FBXL7: variants seen among roughly 807,000 people sequenced by gnomAD.
FBXL7 encodes F-box/LRR-repeat protein 7.
Under a neutral mutation model 38.3 loss-of-function variants are expected in FBXL7, and 12 were observed. The observed-to-expected ratio is 0.31, with a 90% confidence interval of 0.20 to 0.51. The LOEUF (loss-of-function observed/expected upper bound fraction) is 0.51, where lower values mean the gene tolerates loss of function less well. Among genes scored for constraint, FBXL7 ranks in the 20% least tolerant of loss-of-function variants. The pLI is 0.98. For synonymous variants in FBXL7, 297 were observed against 300.9 expected (o/e 0.99, Z 0.13); for missense variants, 567 against 676.4 (o/e 0.84, Z 1.79).
At chr5:15,827,772 A>G (rs1738355124) in intron 2 of FBXL7, among the ~76,000 whole-genome samples, 1 of 152,212 alleles carries the variant, frequency 6.6e-6, no homozygotes, top group Non-Finnish European at 1.5e-5. Flanking sequence ...GCAAACATTC[A>G]AACCATGGCT....
intron 2 of FBXL7, among the ~76,000 whole-genome samples, chr5:15,823,399 TTA>T (rs1436692399): frequency 6.6e-6 from 1 of 152,200 alleles, no homozygotes; most frequent in Non-Finnish European, 1.5e-5. Flanking sequence ...AATAATGGGT[TTA>T]TGTTTCAAAG....
intron 2 of FBXL7, among the ~76,000 whole-genome samples, chr5:15,759,935 A>G (rs1736395423): frequency 6.6e-6 from 1 of 152,352 alleles, no homozygotes; most frequent in Non-Finnish European, 1.5e-5. Context: ...AAAATTAAAT[A>G]TAAGTAAAAC....
At chr5:15,610,061 T>C (rs573897063) in intron 1 of FBXL7, among the ~76,000 whole-genome samples, 6 of 152,238 alleles carry the variant, frequency 3.9e-5, no homozygotes, top group Non-Finnish European at 7.4e-5. Flanking sequence ...AAAACACTTA[T>C]AAAACCATCA....
At chr5:15,879,017 C>T (rs1304530781) in intron 2 of FBXL7, among the ~76,000 whole-genome samples, 2 of 152,154 alleles carry the variant, frequency 1.3e-5, no homozygotes, top group South Asian at 2.1e-4. Context: ...ATCAGTTGCT[C>T]TAGGAATGGG....
At chr5:15,702,063 C>A (rs1479689775) in intron 2 of FBXL7, among the ~76,000 whole-genome samples, 5 of 151,972 alleles carry the variant, frequency 3.3e-5, no homozygotes, top group Admixed American at 2.6e-4. Context: ...CATGGTGAAA[C>A]CCCCTCTCTA....
intron 2 of FBXL7, among the ~76,000 whole-genome samples, chr5:15,629,371 CTA>C (rs1740926769): frequency 6.6e-6 from 1 of 152,108 alleles, no homozygotes; most frequent in South Asian, 2.1e-4. Context: ...GAGCTAGAGA[CTA>C]TGTGCTGATT....
At chr5:15,724,474 A>G (rs1488989082) in intron 2 of FBXL7, among the ~76,000 whole-genome samples, 2 of 152,182 alleles carry the variant, frequency 1.3e-5, no homozygotes, top group African/African-American at 4.8e-5. Flanking sequence ...CACTCTAGTA[A>G]GTTCCTTATT....
Position 15,938,922 on chromosome 5 carries a change from A to T in FBXL7, c.*1736A>T, listed in dbSNP as rs1221384265. On this transcript the variant is annotated 3_prime_UTR_variant, in exon 4 of 4. Transcript: ENST00000504595. ...CCAAGCCCCACCTTTGTTACGTTGA[A>T]ATCCCTCATTTATTTTCTTCTCAAA... 3 of 398,792 alleles carry T rather than the reference A, an allele frequency of 7.5e-6. No individual in the cohort carries two copies. The highest frequency in any genetic ancestry group is 4.4e-5 in the Admixed American group (1 of 22,714). The allele number at this position is 398,792 out of a possible 1,614,324, so 24.7% of individuals were successfully genotyped here. A position where few individuals can be genotyped will look rare whatever the true frequency, so the allele number is the denominator to read the frequency against.
chr5:15,674,524 G>T lies in FBXL7; in HGVS notation c.127+58452G>T, dbSNP rs577928831. Reference sequence around the variant, plus strand: ...GGGTTTCTATTCAGAATGCAAACTCGCGTTATGAATTATCCTCTTCCTTTG... The same window carrying T: ...GGGTTTCTATTCAGAATGCAAACTCTCGTTATGAATTATCCTCTTCCTTTG... On this transcript the variant is annotated intron_variant, in intron 2 of 3. Transcript: ENST00000504595. 2.0e-3 allele frequency among the ~76,000 whole-genome samples: 304 copies of T among 152,192 alleles called. 1 individual carries two copies. The highest frequency in any genetic ancestry group is 7.0e-3 in the African/African-American group (291 of 41,538).
chr5:15,657,395 G>A (rs968252217), intron 2 of FBXL7, among the ~76,000 whole-genome samples: 7 of 152,040 alleles, frequency 4.6e-5, no homozygotes, highest in Admixed American at 6.6e-5. Flanking sequence ...ACATAGTACC[G>A]GCCTGCAGTA....
At chr5:15,848,160 A>C (rs774905870) in intron 2 of FBXL7, among the ~76,000 whole-genome samples, 2 of 152,198 alleles carry the variant, frequency 1.3e-5, no homozygotes, top group Non-Finnish European at 2.9e-5. Flanking sequence ...TTGGACAAAA[A>C]TATCAAAGTG....
At chr5:15,663,726 T>C (rs1255742967) in intron 2 of FBXL7, among the ~76,000 whole-genome samples, 4 of 152,316 alleles carry the variant, frequency 2.6e-5, no homozygotes, top group African/African-American at 9.6e-5. Context: ...GGTTTGCAAG[T>C]ATTTTGTTGA....
At chr5:15,913,325 A>G (rs1365058398) in intron 2 of FBXL7, among the ~76,000 whole-genome samples, 8 of 150,386 alleles carry the variant, frequency 5.3e-5, no homozygotes, top group Non-Finnish European at 1.5e-5. Flanking sequence ...TGTGCAGGTT[A>G]GTTACATATG....
chr5:15,816,095 G>A (rs1738005870), intron 2 of FBXL7, among the ~76,000 whole-genome samples: 1 of 151,974 alleles, frequency 6.6e-6, no homozygotes, highest in Non-Finnish European at 1.5e-5. Context: ...CTGTTAGAAA[G>A]TACTCCGAAA....
intron 1 of FBXL7, among the ~76,000 whole-genome samples, chr5:15,529,132 A>G (rs1737342293): frequency 6.6e-6 from 1 of 152,102 alleles, no homozygotes; most frequent in Non-Finnish European, 1.5e-5. Flanking sequence ...TGTGAGTTCA[A>G]ATTTTCTAGA....
intron 2 of FBXL7, among the ~76,000 whole-genome samples, chr5:15,712,290 G>A (rs898036831): frequency 6.7e-6 from 1 of 149,318 alleles, no homozygotes; most frequent in Non-Finnish European, 1.5e-5. Context: ...CTCCAGTATT[G>A]GAAAAGATTA....
chr5:15,557,376 TTTAA>T (rs1168232669), intron 1 of FBXL7, among the ~76,000 whole-genome samples: 12 of 152,230 alleles, frequency 7.9e-5, no homozygotes, highest in African/African-American at 2.7e-4. Context: ...TTAATAAATG[TTTAA>T]TTAAGAGTCT....
At chr5:15,883,186 A>G (rs1266115545) in intron 2 of FBXL7, among the ~76,000 whole-genome samples, 1 of 152,230 alleles carries the variant, frequency 6.6e-6, no homozygotes, top group Non-Finnish European at 1.5e-5. Context: ...TGTTTAACCT[A>G]CATGTTCAGG....
At chr5:15,661,221 G>A (rs578097587) in intron 2 of FBXL7, among the ~76,000 whole-genome samples, 1 of 152,088 alleles carries the variant, frequency 6.6e-6, no homozygotes, top group Non-Finnish European at 1.5e-5. Context: ...CTAGTGTATA[G>A]AAACACAGTT....
Sources: allele counts gnomAD v4.1 joint callset (sites outside exome capture counted in the v4.1 genomes callset), GRCh38; gene constraint gnomAD v4.1.1; transcripts MANE v1.5; gene names NCBI Gene and HGNC (gene_info 2026-07-23, HGNC 2026-07-21).